Variants in SKAP2 observed in about 807,000 individuals in gnomAD.
The protein encoded by SKAP2 is src kinase-associated phosphoprotein 2.
SKAP2 carries 28 observed loss-of-function variants against 54.9 expected under a neutral mutation model. The ratio of observed to expected loss-of-function variants is 0.51; its 90% CI spans 0.38 to 0.70. The LOEUF is 0.70. Among genes scored for constraint, SKAP2 ranks in the 30% least tolerant of loss-of-function variants. SKAP2 has a pLI of 0.00. For synonymous variants in SKAP2, 137 were observed against 134.3 expected, an observed-to-expected ratio of 1.02 and a Z score of -0.14; for missense variants, 356 against 424.1, an observed-to-expected ratio of 0.84 and a Z score of 1.41.
intron 9 of SKAP2, among the ~76,000 whole-genome samples, chr7:26,720,659 GA>G (rs1371033089): frequency 5.9e-5 from 9 of 152,150 alleles, no homozygotes; most frequent in Non-Finnish European, 8.8e-5. Context: ...GAGGCCTGAG[GA>G]AACTTACAAT....
chr7:26,740,052 C>A, intron 4 of SKAP2, 88 bp from the exon 5 acceptor site: 1 of 735,090 alleles, frequency 1.4e-6, no homozygotes, highest in East Asian at 2.7e-5. Context: ...ATTCAGTGTG[C>A]TTTTAATTAC....
intron 12 of SKAP2, 147 bp downstream of exon 12, chr7:26,669,944 C>T: frequency 2.6e-6 from 1 of 386,576 alleles, no homozygotes; most frequent in Non-Finnish European, 4.6e-6. Flanking sequence ...AAAATTAAAC[C>T]AGATCAAACA....
At chr7:26,708,020 G>A (rs1787204196) in intron 9 of SKAP2, among the ~76,000 whole-genome samples, 1 of 152,128 alleles carries the variant, frequency 6.6e-6, no homozygotes, top group Non-Finnish European at 1.5e-5. Flanking sequence ...GAGAAAACCT[G>A]ATAAGCTCAC....
chr7:26,688,274 A>C (rs1054448250), intron 10 of SKAP2, among the ~76,000 whole-genome samples: 1 of 152,170 alleles, frequency 6.6e-6, no homozygotes, highest in Non-Finnish European at 1.5e-5. Context: ...ATCAAATGGA[A>C]TCTTTATTTT....
chr7:26,750,676 C>A (rs1413912920), intron 4 of SKAP2, among the ~76,000 whole-genome samples: 1 of 152,008 alleles, frequency 6.6e-6, no homozygotes. Flanking sequence ...AATTTTGCTT[C>A]TTAAGAATGT....
intron 4 of SKAP2, among the ~76,000 whole-genome samples, chr7:26,823,664 T>G (rs528151734): frequency 3.9e-4 from 60 of 152,192 alleles, no homozygotes; most frequent in African/African-American, 1.3e-3. Context: ...AAAGAAGCCA[T>G]CTTCATAACA....
intron 11 of SKAP2, among the ~76,000 whole-genome samples, chr7:26,670,761 A>C (rs1786211004): frequency 6.6e-6 from 1 of 152,066 alleles, no homozygotes; most frequent in Admixed American, 6.6e-5. Flanking sequence ...ATACCAAAAA[A>C]CTGCTTAAAA....
intron 11 of SKAP2, among the ~76,000 whole-genome samples, chr7:26,673,564 T>A (rs1786286034): frequency 6.6e-6 from 1 of 152,106 alleles, no homozygotes; most frequent in African/African-American, 2.4e-5. Flanking sequence ...GGTGTAGTGA[T>A]GCTTATTGTA....
chr7:26,847,433 G>C (rs1784947461), intron 3 of SKAP2, among the ~76,000 whole-genome samples: 1 of 151,602 alleles, frequency 6.6e-6, no homozygotes, highest in Admixed American at 6.6e-5. Context: ...CTGTTGAGTA[G>C]TGCAAAGCAT....
chr7:26,783,765 G>C (rs1783474314), intron 4 of SKAP2, among the ~76,000 whole-genome samples: 1 of 152,062 alleles, frequency 6.6e-6, no homozygotes, highest in African/African-American at 2.4e-5. Flanking sequence ...ACACAGGAAG[G>C]GGAACATCAC....
chr7:26,855,019 A>G (rs1258901919), intron 1 of SKAP2, 129 bp from the exon 2 acceptor site: 1 of 608,472 alleles, frequency 1.6e-6, no homozygotes, highest in Non-Finnish European at 2.7e-6. Flanking sequence ...GTTATTTATC[A>G]TTCCAAAGCA....
In SKAP2 at chr7:26,679,857, G is replaced by A. The variant is rs1357190525; in HGVS notation, c.987+4879C>T. 2.0e-5 allele frequency among the ~76,000 whole-genome samples: 3 copies of A among 152,092 alleles called. No homozygotes were observed. In the East Asian group the frequency reaches 5.8e-4, roughly 29 times the overall value. ...TGACAGTCACAATTCACCAATCACT[G>A]GAAAAAGTCAACCAAACAGATATAA... On this transcript the variant is annotated intron_variant, in intron 11 of 12. Transcript: ENST00000345317.
intron 4 of SKAP2, among the ~76,000 whole-genome samples, chr7:26,772,220 C>A (rs528742325): frequency 6.6e-6 from 1 of 152,026 alleles, no homozygotes; most frequent in Non-Finnish European, 1.5e-5. Flanking sequence ...TGGTGTGCAG[C>A]ACTTTGTTTT....
At chr7:26,857,310 TAAAAA>T (rs59046895) in intron 1 of SKAP2, 85 of 91,208 alleles carry the variant, frequency 9.3e-4, no homozygotes, top group East Asian at 1.9e-3. Context: ...CTGCTTTGCT[TAAAAA>T]AAAAAAAAAA....
At chr7:26,783,417 T>C (rs969919561) in intron 4 of SKAP2, among the ~76,000 whole-genome samples, 44 of 151,868 alleles carry the variant, frequency 2.9e-4, no homozygotes, top group African/African-American at 1.0e-3. Context: ...TCTGATTATC[T>C]CTGAACTCTT....
chr7:26,712,720 T>C (rs139202390), intron 9 of SKAP2, among the ~76,000 whole-genome samples: 18 of 152,352 alleles, frequency 1.2e-4, no homozygotes, highest in African/African-American at 4.3e-4. Context: ...ACCTGGCATA[T>C]GCTAAGTGTT....
At chr7:26,752,078 C>T (rs1436888052) in intron 4 of SKAP2, among the ~76,000 whole-genome samples, 2 of 152,014 alleles carry the variant, frequency 1.3e-5, no homozygotes, top group Non-Finnish European at 2.9e-5. Context: ...AAAATCAAGG[C>T]AAAATTAGAA....
At chr7:26,709,659 A>G (rs1473724840) in intron 9 of SKAP2, among the ~76,000 whole-genome samples, 3 of 152,178 alleles carry the variant, frequency 2.0e-5, no homozygotes, top group Non-Finnish European at 4.4e-5. Flanking sequence ...TACTAGTCAC[A>G]TTAAGTCCTT....
chr7:26,864,480 C>A lies in SKAP2; in HGVS notation c.-51G>T. On this transcript the variant is annotated 5_prime_UTR_variant, in exon 1 of 13. Coordinates refer to ENST00000345317, the MANE Select transcript of SKAP2 (RefSeq NM_003930.5). ...AAAGGACCTGCGCTGAAAAGGTGAC[C>A]GACGGGGTGGGGCTGCGGCTGCGAC... The A allele has an allele frequency of 6.4e-7, 1 of 1,551,406 alleles. No individual in the cohort carries two copies. Among genetic ancestry groups the A allele is most frequent in the Admixed American group, 1.9e-5 (1 of 51,490 alleles).
Sources: allele counts gnomAD v4.1 joint callset (sites outside exome capture counted in the v4.1 genomes callset), GRCh38; gene constraint gnomAD v4.1.1; transcripts MANE v1.5; gene names NCBI Gene and HGNC (gene_info 2026-07-23, HGNC 2026-07-21).